Variants in CDKN2B-AS1 observed in about 807,000 individuals in gnomAD.
CDKN2B-AS1 encodes the protein CDKN2B antisense RNA 1 (non-protein coding).
In CDKN2B-AS1 at chr9:22,005,017, C is replaced by T. The variant is rs954030637; in HGVS notation, n.29+9856C>T. On this transcript the variant is annotated intron_variant and non_coding_transcript_variant, in intron 1 of 4. Transcript: ENST00000650946. The surrounding 1 kb of genome is among the most constrained non-coding windows in gnomAD (Gnocchi z 4.9). ...CCACTAGTTATGTTACTTAAAATCTCCCCATTAAATAAGACAGTTGCTGAA... is the reference window on the plus strand; with the variant it reads ...CCACTAGTTATGTTACTTAAAATCTTCCCATTAAATAAGACAGTTGCTGAA... The T allele has an allele frequency of 8.6e-6, 2 of 233,136 alleles. No individual in the cohort carries two copies. The highest frequency in any genetic ancestry group is 4.4e-5 in the African/African-American group (2 of 45,324). 14.4% of individuals were successfully genotyped at this position (233,136 alleles called of 1,614,324 possible). A position where few individuals can be genotyped will look rare whatever the true frequency, so the allele number is the denominator to read the frequency against.
chr9:22,058,828 TGAGGAGG>T (rs2131294840), intron 4 of CDKN2B-AS1: 1 of 196,242 alleles, frequency 5.1e-6, no homozygotes, highest in Admixed American at 6.0e-5. Flanking sequence ...TCCGCATGGC[TGAGGAGG>T]CCTCAGAATC....
In CDKN2B-AS1 at chr9:22,092,150, C is replaced by G. The variant is rs188365089; in HGVS notation, n.439-34953C>G. ...TATTGATTTGCGTATGTTGAACAAG[C>G]CTTGCATCCCAGGGATGAAGCCCAC... On this transcript the variant is annotated intron_variant and non_coding_transcript_variant, in intron 4 of 4. Transcript: ENST00000650946. Among the ~76,000 whole-genome samples, 626 of 152,276 alleles carry G rather than the reference C, an allele frequency of 4.1e-3. 8 individuals are homozygous for G. The highest frequency in any genetic ancestry group is 0.014 in the African/African-American group (587 of 41,538).
chr9:22,091,015 G>A (rs571706484), intron 4 of CDKN2B-AS1, among the ~76,000 whole-genome samples: 1 of 152,264 alleles, frequency 6.6e-6, no homozygotes, highest in South Asian at 2.1e-4. Flanking sequence ...AAGGTATAAG[G>A]AAAGGATCCA....
chr9:22,006,236 C>T lies in CDKN2B-AS1; in HGVS notation n.29+11075C>T, dbSNP rs1171184059. The T allele has an allele frequency of 6.2e-7, 1 of 1,605,708 alleles. No homozygotes were observed. Among genetic ancestry groups the T allele is most frequent in the Non-Finnish European group, 8.5e-7 (1 of 1,179,840 alleles). On this transcript the variant is annotated intron_variant and non_coding_transcript_variant, in intron 1 of 4. Transcript: ENST00000650946. This position sits in a 1 kb window ranked among gnomAD's most constrained non-coding sequence, Gnocchi z 6.4. ...GCAGCTCCGCCACGCGGGCGCTGCCCATCATCATGACCTGCCAGAGAGAGC... is the reference window on the plus strand; with the variant it reads ...GCAGCTCCGCCACGCGGGCGCTGCCTATCATCATGACCTGCCAGAGAGAGC...
chr9:22,003,736 T>A (rs1455915779), intron 1 of CDKN2B-AS1: 1 of 231,848 alleles, frequency 4.3e-6, no homozygotes, highest in Non-Finnish European at 8.5e-6. Context: ...AAATTTGGGT[T>A]TTTATAGGTG....
intron 1 of CDKN2B-AS1, chr9:22,012,539 G>T: frequency 1.7e-6 from 1 of 605,350 alleles, no homozygotes. Context: ...GGTCAAATAA[G>T]GCTCTTCCTT....
At chr9:22,041,667 T>C (rs1822901742) in intron 1 of CDKN2B-AS1, among the ~76,000 whole-genome samples, 1 of 152,212 alleles carries the variant, frequency 6.6e-6, no homozygotes, top group South Asian at 2.1e-4. Context: ...GAACTTCATT[T>C]GAAATCTTAC....
At chr9:22,102,078 A>C (rs917838714) in intron 4 of CDKN2B-AS1, among the ~76,000 whole-genome samples, 2 of 152,166 alleles carry the variant, frequency 1.3e-5, no homozygotes, top group Non-Finnish European at 2.9e-5. Flanking sequence ...CCAACACTTA[A>C]AATGCAGGGA....
chr9:22,088,014 T>A (rs989003199), intron 4 of CDKN2B-AS1, among the ~76,000 whole-genome samples: 1 of 152,232 alleles, frequency 6.6e-6, no homozygotes, highest in Non-Finnish European at 1.5e-5. Context: ...TGACTGAGAC[T>A]ATTTCCTTGC....
At chr9:22,033,133 G>A (rs1409483805) in intron 1 of CDKN2B-AS1, 1 of 152,134 alleles carries the variant, frequency 6.6e-6, no homozygotes, top group Non-Finnish European at 1.5e-5. Context: ...AATGGCTGAT[G>A]ATCTGACGTG....
At chr9:22,025,411 G>T (rs774763078) in intron 1 of CDKN2B-AS1, among the ~76,000 whole-genome samples, 7 of 152,150 alleles carry the variant, frequency 4.6e-5, no homozygotes, top group Non-Finnish European at 7.3e-5. Flanking sequence ...AGAGGTAGTG[G>T]CAGAGAGGCT....
chr9:22,121,699 G>A (rs1380312108), intron 4 of CDKN2B-AS1, among the ~76,000 whole-genome samples: 1 of 152,004 alleles, frequency 6.6e-6, no homozygotes, highest in South Asian at 2.1e-4. Context: ...TTAACACAGT[G>A]TCCTCCAAGA....
chr9:22,012,086 A>C (rs982745565), intron 1 of CDKN2B-AS1: 64 of 683,888 alleles, frequency 9.4e-5, no homozygotes, highest in Non-Finnish European at 1.6e-4. Context: ...TATGACCTTG[A>C]TATAGAAGTA....
chr9:22,024,876 C>G (rs1168851132), intron 1 of CDKN2B-AS1, among the ~76,000 whole-genome samples: 2 of 152,168 alleles, frequency 1.3e-5, no homozygotes, highest in African/African-American at 4.8e-5. Flanking sequence ...GGTGCAGAAG[C>G]TATTCTGTGG....
At chr9:22,078,408 C>T (rs965587920) in intron 4 of CDKN2B-AS1, among the ~76,000 whole-genome samples, 1 of 151,904 alleles carries the variant, frequency 6.6e-6, no homozygotes, top group Admixed American at 6.6e-5. Context: ...TTGTTTTTGA[C>T]CAAAAAAATA....
rs574788151 is a variant in CDKN2B-AS1, at chr9:22,079,174, G to A, written n.438+22787G>A. On this transcript the variant is annotated intron_variant and non_coding_transcript_variant, in intron 4 of 4. Transcript: ENST00000650946. ...TGGAGATCATTTGATTTCATTGGAG[G>A]CTGGAAAGGATAGAAAGGCTGAAAA... is the stretch of plus-strand genomic sequence containing the variant. Among the ~76,000 whole-genome samples the A allele has an allele frequency of 1.1e-4, 17 of 152,304 alleles. No individual in the cohort carries two copies. In the South Asian group the frequency reaches 3.3e-3, roughly 30 times the overall value.
chr9:22,091,852 A>T (rs1314338628), intron 4 of CDKN2B-AS1, among the ~76,000 whole-genome samples: 1 of 152,162 alleles, frequency 6.6e-6, no homozygotes, highest in Non-Finnish European at 1.5e-5. Flanking sequence ...AGAACTTCCA[A>T]CACTATGTTG....
chr9:22,079,984 G>T (rs1824640863), intron 4 of CDKN2B-AS1, among the ~76,000 whole-genome samples: 1 of 152,228 alleles, frequency 6.6e-6, no homozygotes, highest in East Asian at 1.9e-4. Context: ...GAATTTTACA[G>T]AATCTGCCTG....
intron 4 of CDKN2B-AS1, among the ~76,000 whole-genome samples, chr9:22,071,504 G>A (rs892631926): frequency 1.1e-4 from 16 of 151,866 alleles, no homozygotes; most frequent in Non-Finnish European, 1.3e-4. Flanking sequence ...AAGTGGTAGT[G>A]CTGTCAAAAG....
Sources: gnomAD v4.1 joint callset for allele counts (sites outside exome capture counted in the v4.1 genomes callset) on GRCh38, gnomAD v4.1.1 for gene constraint, Gnocchi (gnomAD v3.1) non-coding constraint, MANE v1.5 for transcripts, NCBI Gene and HGNC (gene_info 2026-07-23, HGNC 2026-07-21) for gene names.